AUTS2: variants seen among roughly 807,000 people sequenced by gnomAD.
The protein encoded by AUTS2 is autism susceptibility gene 2 protein.
Under a neutral mutation model 112.4 loss-of-function variants are expected in AUTS2, and 17 were observed. The ratio of observed to expected loss-of-function variants is 0.15; its 90% CI spans 0.10 to 0.23. The LOEUF (loss-of-function observed/expected upper bound fraction) is 0.23. Among genes scored for constraint, AUTS2 ranks in the 10% least tolerant of loss-of-function variants. The pLI, the probability that AUTS2 is intolerant of heterozygous loss-of-function variation, is 1.00. For synonymous variants in AUTS2, 751 were observed against 702.7 expected, an observed-to-expected ratio of 1.07 and a Z score of -1.09; for missense variants, 1,510 against 1,701.6, an observed-to-expected ratio of 0.89 and a Z score of 1.98.
intron 5 of AUTS2, among the ~76,000 whole-genome samples, chr7:70,575,059 A>G (rs576379038): frequency 3.4e-4 from 52 of 152,318 alleles, no homozygotes; most frequent in African/African-American, 1.2e-3. Flanking sequence ...GCTCGGTTGC[A>G]TAACCAGAAA....
chr7:69,936,070 C>G (rs1412385977), intron 2 of AUTS2, among the ~76,000 whole-genome samples: 3 of 152,180 alleles, frequency 2.0e-5, no homozygotes, highest in Non-Finnish European at 4.4e-5. Flanking sequence ...CACAAGACCA[C>G]AGGTTGGAAA....
intron 2 of AUTS2, among the ~76,000 whole-genome samples, chr7:70,107,657 T>C (rs1188728639): frequency 6.6e-6 from 1 of 151,018 alleles, no homozygotes; most frequent in Non-Finnish European, 1.5e-5. Context: ...ATTAAGTTTA[T>C]AACAGGGATA....
At chr7:70,463,381 A>G (rs1377719423) in intron 5 of AUTS2, among the ~76,000 whole-genome samples, 1 of 152,198 alleles carries the variant, frequency 6.6e-6, no homozygotes, top group Non-Finnish European at 1.5e-5. Flanking sequence ...TGACATTCTG[A>G]CTTTAACATG....
At chr7:69,762,352 G>C (rs1173509149) in intron 1 of AUTS2, among the ~76,000 whole-genome samples, 1 of 137,462 alleles carries the variant, frequency 7.3e-6, no homozygotes, top group African/African-American at 2.8e-5. Context: ...AGTCACCCAG[G>C]TTGGAGTGCA....
rs1248995507 is a variant in AUTS2, at chr7:69,800,725, T to A, written c.310-98561T>A. Reference sequence around the variant, plus strand: ...GCATAGAAGCTCTTGACAAGTACTATGAGTCAGAAGGCCACATGTGACTAG... The same window carrying A: ...GCATAGAAGCTCTTGACAAGTACTAAGAGTCAGAAGGCCACATGTGACTAG... On this transcript the variant is annotated intron_variant, in intron 1 of 18. Transcript: ENST00000342771. Among the ~76,000 whole-genome samples, 4 of 152,178 alleles carry A rather than the reference T, an allele frequency of 2.6e-5. No homozygotes were observed. In the East Asian group the frequency reaches 7.7e-4, roughly 29 times the overall value.
chr7:69,953,979 A>G (rs367667083), intron 2 of AUTS2, among the ~76,000 whole-genome samples: 10 of 152,172 alleles, frequency 6.6e-5, no homozygotes, highest in East Asian at 5.8e-4. Flanking sequence ...TTTCCTCTCT[A>G]TTAGAGAGAG....
At position 69,655,085 on chromosome 7, in the gene AUTS2, T is replaced by C. The variant is rs186227177; in HGVS notation, c.309+55123T>C. Among the ~76,000 whole-genome samples, 17 of 152,284 alleles carry C rather than the reference T, an allele frequency of 1.1e-4. No individual in the cohort carries two copies. The East Asian group carries it at 2.9e-3, about 26-fold the overall frequency. The stretch of plus-strand genomic sequence containing the variant: ...AGGCACTCTTCAGCACCAGCATCAG[T>C]TGATGCACCTGAATAACAATAGGGA... On this transcript the variant is annotated intron_variant, in intron 1 of 18. Transcript: ENST00000342771.
intron 2 of AUTS2, among the ~76,000 whole-genome samples, chr7:69,988,922 G>A (rs1468201498): frequency 1.3e-5 from 2 of 152,178 alleles, no homozygotes; most frequent in African/African-American, 2.4e-5. Flanking sequence ...CAGGGAGGAC[G>A]GGTGGAGTGC....
chr7:70,482,845 A>G (rs746007736), intron 5 of AUTS2, among the ~76,000 whole-genome samples: 1 of 152,006 alleles, frequency 6.6e-6, no homozygotes, highest in Non-Finnish European at 1.5e-5. Flanking sequence ...GTAGGTAGAT[A>G]GAGAGCTGTC....
At chr7:69,869,813 A>G (rs955263133) in intron 1 of AUTS2, among the ~76,000 whole-genome samples, 1 of 152,212 alleles carries the variant, frequency 6.6e-6, no homozygotes, top group African/African-American at 2.4e-5. Context: ...TGCAGTTGAT[A>G]TCATTCAGGC....
intron 4 of AUTS2, among the ~76,000 whole-genome samples, chr7:70,235,080 T>C (rs899969702): frequency 2.6e-5 from 4 of 152,220 alleles, no homozygotes; most frequent in African/African-American, 9.6e-5. Flanking sequence ...TAAAATGATT[T>C]GGAGGAAATC....
intron 1 of AUTS2, among the ~76,000 whole-genome samples, chr7:69,773,838 T>C (rs1247284415): frequency 6.6e-6 from 1 of 152,158 alleles, no homozygotes; most frequent in Non-Finnish European, 1.5e-5. Flanking sequence ...AAAAAAATAA[T>C]GTGAGTCAGC....
At chr7:69,921,392 CA>C (rs1409225486) in intron 2 of AUTS2, among the ~76,000 whole-genome samples, 1 of 84,656 alleles carries the variant, frequency 1.2e-5, no homozygotes, top group Non-Finnish European at 2.3e-5. Context: ...TTAAAAGAAA[CA>C]AAAAACATCA....
At chr7:70,025,777 CTTTTTTTTT>C (rs34107096) in intron 2 of AUTS2, among the ~76,000 whole-genome samples, 1 of 126,628 alleles carries the variant, frequency 7.9e-6, no homozygotes, top group African/African-American at 3.0e-5. Context: ...TTTTACTAAG[CTTTTTTTTT>C]TTTTTTTTTA....
intron 4 of AUTS2, among the ~76,000 whole-genome samples, chr7:70,252,085 A>G (rs1312966799): frequency 6.6e-6 from 1 of 152,178 alleles, no homozygotes; most frequent in Non-Finnish European, 1.5e-5. Context: ...TATTGCTGCA[A>G]CGAACATGAG....
chr7:70,660,673 A>G (rs1807023906), intron 5 of AUTS2, among the ~76,000 whole-genome samples: 2 of 152,138 alleles, frequency 1.3e-5, no homozygotes, highest in South Asian at 2.1e-4. Context: ...TACATACATT[A>G]TGTGCATCCT....
chr7:70,477,135 C>G (rs1466652982), intron 5 of AUTS2, among the ~76,000 whole-genome samples: 1 of 152,150 alleles, frequency 6.6e-6, no homozygotes, highest in Non-Finnish European at 1.5e-5. Context: ...CAGGCTGGCT[C>G]CAGGCTTCAT....
chr7:70,507,870 T>C (rs150088960), intron 5 of AUTS2, among the ~76,000 whole-genome samples: 7 of 152,232 alleles, frequency 4.6e-5, no homozygotes, highest in African/African-American at 1.7e-4. Context: ...ACCTGAAAAG[T>C]GTATGTGTAC....
intron 2 of AUTS2, among the ~76,000 whole-genome samples, chr7:70,117,127 GTTTTT>G (rs1491008028): frequency 3.2e-4 from 20 of 62,786 alleles, no homozygotes; most frequent in African/African-American, 6.3e-4. Flanking sequence ...GTTTTTTTTT[GTTTTT>G]TTTTGTTTTT....
Sources: allele counts gnomAD v4.1 joint callset (sites outside exome capture counted in the v4.1 genomes callset), GRCh38; gene constraint gnomAD v4.1.1; transcripts MANE v1.5; gene names NCBI Gene and HGNC (gene_info 2026-07-23, HGNC 2026-07-21).